KDM4C: variants seen among roughly 807,000 people sequenced by gnomAD.
The protein encoded by KDM4C is lysine demethylase 4C.
A neutral mutation model predicts 129.3 loss-of-function variants in KDM4C; 81 were observed. The ratio of observed to expected loss-of-function variants is 0.63; its 90% CI spans 0.52 to 0.75. KDM4C has a LOEUF of 0.75. Among genes scored for constraint, KDM4C ranks in the 30% least tolerant of loss-of-function variants. KDM4C has a pLI of 0.00. For synonymous variants in KDM4C, 573 were observed against 456.1 expected, an observed-to-expected ratio of 1.26 and a Z score of -3.26; for missense variants, 1,457 against 1,304.0, an observed-to-expected ratio of 1.12 and a Z score of -1.81.
At chr9:6,871,942 T>A (rs1452072556) in intron 5 of KDM4C, among the ~76,000 whole-genome samples, 1 of 152,150 alleles carries the variant, frequency 6.6e-6, no homozygotes, top group Admixed American at 6.5e-5. Context: ...TGAAGGGCTC[T>A]GGGAGGAAGA....
chr9:6,884,726 T>C (rs1844994030), intron 6 of KDM4C, among the ~76,000 whole-genome samples: 1 of 152,234 alleles, frequency 6.6e-6, no homozygotes, highest in Non-Finnish European at 1.5e-5. Context: ...AGTGTTTGTA[T>C]ACCCATAAAA....
At chr9:7,015,008 G>A (rs993081253) in intron 14 of KDM4C, among the ~76,000 whole-genome samples, 2 of 151,520 alleles carry the variant, frequency 1.3e-5, no homozygotes, top group African/African-American at 2.4e-5. Flanking sequence ...AAATAATTGG[G>A]ATATAATCTG....
intron 5 of KDM4C, among the ~76,000 whole-genome samples, chr9:6,856,782 G>A (rs367730049): frequency 6.9e-5 from 9 of 130,788 alleles, no homozygotes; most frequent in Non-Finnish European, 1.2e-4. Flanking sequence ...ACGGAGTCTC[G>A]CTCTGTCGCC....
chr9:7,128,375 A>G (rs1166346181), intron 19 of KDM4C, 139 bp downstream of exon 19: 1 of 575,080 alleles, frequency 1.7e-6, no homozygotes, highest in Admixed American at 4.0e-5. Flanking sequence ...ATTCTAAATA[A>G]TATCCAGGTG....
chr9:6,855,110 A>G (rs1181368921), intron 5 of KDM4C, among the ~76,000 whole-genome samples: 2 of 152,222 alleles, frequency 1.3e-5, no homozygotes, highest in Non-Finnish European at 2.9e-5. Flanking sequence ...GTATGTATAC[A>G]TGGCATGAAG....
At chr9:6,772,518 C>A (rs140064143) in intron 1 of KDM4C, among the ~76,000 whole-genome samples, 1 of 152,102 alleles carries the variant, frequency 6.6e-6, no homozygotes, top group Non-Finnish European at 1.5e-5. Flanking sequence ...TGCACCACCA[C>A]GCCTGGTTAA....
At chr9:6,790,885 G>T (rs7867412) in intron 1 of KDM4C, among the ~76,000 whole-genome samples, 9 of 152,060 alleles carry the variant, frequency 5.9e-5, no homozygotes, top group Non-Finnish European at 8.8e-5. Flanking sequence ...TATTGACAGC[G>T]AGATTAAGCC....
intron 5 of KDM4C, among the ~76,000 whole-genome samples, chr9:6,864,823 TA>T (rs1222696000): frequency 2.0e-5 from 3 of 151,392 alleles, no homozygotes; most frequent in South Asian, 4.1e-4. Context: ...TTTTTTAATT[TA>T]TTTTTTTTCT....
intron 1 of KDM4C, chr9:6,748,611 C>G (rs939072225): frequency 1.4e-6 from 1 of 715,808 alleles, no homozygotes; most frequent in Non-Finnish European, 2.5e-6. Flanking sequence ...TAAGTGTAAT[C>G]AAAACAATAT....
At chr9:7,097,591 C>T (rs979836305) in intron 17 of KDM4C, among the ~76,000 whole-genome samples, 14 of 152,156 alleles carry the variant, frequency 9.2e-5, no homozygotes, top group Admixed American at 6.5e-5. Context: ...CTCTCCTGCC[C>T]CTCTTCTAGA....
intron 8 of KDM4C, among the ~76,000 whole-genome samples, chr9:6,919,247 T>C (rs761360792): frequency 6.6e-5 from 7 of 106,290 alleles, no homozygotes; most frequent in African/African-American, 1.1e-4. Context: ...TCTTTCTTTC[T>C]TTTCTTTCTT....
At chr9:7,154,248 C>A (rs1842957188) in intron 19 of KDM4C, among the ~76,000 whole-genome samples, 1 of 152,212 alleles carries the variant, frequency 6.6e-6, no homozygotes. Context: ...CTGCCAGGGT[C>A]CAGTAATGAG....
intron 8 of KDM4C, among the ~76,000 whole-genome samples, chr9:6,936,975 T>G (rs1268758062): frequency 6.6e-6 from 1 of 152,212 alleles, no homozygotes; most frequent in Non-Finnish European, 1.5e-5. Context: ...AGTTACAGAT[T>G]CTAGACCCAT....
chr9:6,980,606 C>T (rs1016256490), intron 8 of KDM4C, among the ~76,000 whole-genome samples: 5 of 152,198 alleles, frequency 3.3e-5, no homozygotes, highest in Non-Finnish European at 5.9e-5. Context: ...TTCATTGACA[C>T]ATCATTGTGA....
At chr9:7,067,302 A>G (rs1269031594) in intron 17 of KDM4C, among the ~76,000 whole-genome samples, 2 of 152,238 alleles carry the variant, frequency 1.3e-5, no homozygotes, top group East Asian at 3.8e-4. Flanking sequence ...TGTGGTGCAT[A>G]ACATAACCAC....
At chr9:7,060,086 A>T (rs1422330519) in intron 17 of KDM4C, among the ~76,000 whole-genome samples, 1 of 152,106 alleles carries the variant, frequency 6.6e-6, no homozygotes, top group Non-Finnish European at 1.5e-5. Context: ...CATTCCTTGC[A>T]ATGATTTTGT....
chr9:6,856,561 TG>T (rs1839861478), intron 5 of KDM4C, among the ~76,000 whole-genome samples: 1 of 148,012 alleles, frequency 6.8e-6, no homozygotes, highest in Non-Finnish European at 1.5e-5. Flanking sequence ...TGTGTGTGTG[TG>T]TGTGTGTGTG....
intron 4 of KDM4C, among the ~76,000 whole-genome samples, chr9:6,846,738 C>G (rs184320549): frequency 6.6e-6 from 1 of 152,264 alleles, no homozygotes; most frequent in East Asian, 1.9e-4. Flanking sequence ...ATTAAATAAT[C>G]ACTTCTCACA....
At chr9:7,001,138 C>T (rs1820649313) in intron 12 of KDM4C, among the ~76,000 whole-genome samples, 1 of 152,116 alleles carries the variant, frequency 6.6e-6, no homozygotes, top group African/African-American at 2.4e-5. Context: ...GTGTTAGGTT[C>T]CCAGGCTTCA....
Sources: allele counts gnomAD v4.1 joint callset (sites outside exome capture counted in the v4.1 genomes callset), GRCh38; gene constraint gnomAD v4.1.1; transcripts MANE v1.5; gene names NCBI Gene and HGNC (gene_info 2026-07-23, HGNC 2026-07-21).